The following PCCA variants were observed in gnomAD, a reference collection of about 807,000 sequenced individuals.
PCCA encodes propionyl-CoA carboxylase subunit alpha.
Under a neutral mutation model 101.3 loss-of-function variants are expected in PCCA, and 74 were observed. The ratio of observed to expected loss-of-function variants is 0.73; its 90% CI spans 0.61 to 0.89. The LOEUF (loss-of-function observed/expected upper bound fraction) is 0.89. PCCA is among the 40% of genes least tolerant of loss of function. The pLI, the probability that PCCA is intolerant of heterozygous loss-of-function variation, is 0.00. For missense variants in PCCA, 891 were observed against 907.0 expected, an observed-to-expected ratio of 0.98 and a Z score of 0.23; for synonymous variants, 294 against 313.6, an observed-to-expected ratio of 0.94 and a Z score of 0.66.
intron 21 of PCCA, among the ~76,000 whole-genome samples, chr13:100,499,274 A>C (rs548634103): frequency 3.9e-5 from 6 of 152,356 alleles, no homozygotes; most frequent in African/African-American, 1.4e-4. Flanking sequence ...TGGTGAAACT[A>C]GGAGATAGTT....
At chr13:100,150,593 G>T in intron 4 of PCCA, 1 of 1,198,802 alleles carries the variant, frequency 8.3e-7, no homozygotes, top group Non-Finnish European at 1.2e-6. Flanking sequence ...GGCTCTTTTG[G>T]CCTGCAGATG....
At chr13:100,179,701 C>T (rs1211366224) in intron 6 of PCCA, among the ~76,000 whole-genome samples, 1 of 103,356 alleles carries the variant, frequency 9.7e-6, no homozygotes, top group African/African-American at 3.9e-5. Context: ...AAGGGTCATC[C>T]TCTTCCCACA....
At chr13:100,471,871 C>T (rs936844148) in intron 21 of PCCA, among the ~76,000 whole-genome samples, 3 of 152,136 alleles carry the variant, frequency 2.0e-5, no homozygotes, top group Admixed American at 6.5e-5. Context: ...GGGGCCCACC[C>T]GGAGCTCTGT....
chr13:100,419,207 C>T (rs755917747), intron 19 of PCCA, among the ~76,000 whole-genome samples: 80 of 152,142 alleles, frequency 5.3e-4, no homozygotes, highest in Admixed American at 1.4e-3. Flanking sequence ...TGTGATGGCT[C>T]ACGCCTGTAA....
intron 20 of PCCA, among the ~76,000 whole-genome samples, chr13:100,440,156 TTATATATATATATATATATATATA>T (rs398024171): frequency 0.079 from 7,318 of 92,838 alleles, 422 homozygotes; most frequent in African/African-American, 0.13. Flanking sequence ...GAGTATTAAA[TTATATATATATATATATATATATA>T]TATATATATA....
At chr13:100,155,421 A>T (rs898739602) in intron 5 of PCCA, among the ~76,000 whole-genome samples, 2 of 152,258 alleles carry the variant, frequency 1.3e-5, no homozygotes, top group African/African-American at 2.4e-5. Flanking sequence ...AGAGCATTTT[A>T]AAAAATTCTG....
intron 6 of PCCA, among the ~76,000 whole-genome samples, chr13:100,207,882 G>T (rs1016520882): frequency 8.6e-5 from 13 of 151,936 alleles, no homozygotes; most frequent in Non-Finnish European, 1.6e-4. Flanking sequence ...GCTGGGCGTG[G>T]TGGCGCGCTC....
intron 20 of PCCA, among the ~76,000 whole-genome samples, chr13:100,440,211 AAAC>A (rs2080267200): frequency 9.4e-6 from 1 of 106,302 alleles, no homozygotes; most frequent in African/African-American, 3.6e-5. Context: ...TATATATATA[AAAC>A]GTGATAACTT....
chr13:100,388,591 T>C (rs1208921621), intron 19 of PCCA, among the ~76,000 whole-genome samples: 1 of 151,962 alleles, frequency 6.6e-6, no homozygotes, highest in Non-Finnish European at 1.5e-5. Flanking sequence ...AGATCAGGAG[T>C]TGGAGACCAA....
chr13:100,471,662 A>G lies in PCCA; in HGVS notation c.1899+22357A>G, dbSNP rs568829076. ...TTTTCTCTGTGGATCTTCTCTGTTA[A>G]TGCCACATCTGTCTAGAGTAAAAGT... is the stretch of plus-strand genomic sequence containing the variant. On this transcript the variant is annotated intron_variant, in intron 21 of 23. Coordinates refer to ENST00000376285, the MANE Select transcript of PCCA (RefSeq NM_000282.4). 5.3e-5 allele frequency among the ~76,000 whole-genome samples: 8 copies of G among 152,322 alleles called. No individual in the cohort carries two copies. In the East Asian group the frequency reaches 1.5e-3, roughly 29 times the overall value.
At chr13:100,125,966 C>G (rs80143462) in intron 4 of PCCA, among the ~76,000 whole-genome samples, 1,749 of 152,168 alleles carry the variant, frequency 0.011, 11 homozygotes, top group Non-Finnish European at 0.019. Context: ...GTGGACTAAT[C>G]AAGGCGCTGT....
At chr13:100,495,105 G>T (rs986935060) in intron 21 of PCCA, among the ~76,000 whole-genome samples, 2 of 151,998 alleles carry the variant, frequency 1.3e-5, no homozygotes, top group East Asian at 3.9e-4. Context: ...CAGCTGGGAG[G>T]GAGTGCTATG....
rs2076185738 is a variant in PCCA at position 100,380,866 on chromosome 13, T to C, written c.1746+12292T>C. Among the ~76,000 whole-genome samples the C allele has an allele frequency of 3.3e-5, 5 of 152,148 alleles. No individual in the cohort carries two copies. The South Asian group carries it at 1.0e-3, about 32-fold the overall frequency. On this transcript the variant is annotated intron_variant, in intron 19 of 23. Coordinates refer to ENST00000376285, the MANE Select transcript of PCCA (RefSeq NM_000282.4). ...TTCAGTAAAGCACTTGTGTTTAAAA[T>C]ACATAAAGAACACTTACAACTTAAC...
chr13:100,483,141 GC>G (rs910349787), intron 21 of PCCA, among the ~76,000 whole-genome samples: 13 of 151,898 alleles, frequency 8.6e-5, no homozygotes, highest in Non-Finnish European at 1.8e-4. Flanking sequence ...GGGAGGAAAA[GC>G]CACGTTTTAC....
chr13:100,275,059 G>T (rs531486785), intron 12 of PCCA, among the ~76,000 whole-genome samples: 2 of 151,166 alleles, frequency 1.3e-5, no homozygotes, highest in Non-Finnish European at 3.0e-5. Context: ...GAGGGGGTGG[G>T]GGGGGAGGGG....
intron 21 of PCCA, chr13:100,491,624 G>C (rs750023399): frequency 7.7e-7 from 1 of 1,299,874 alleles, no homozygotes; most frequent in Non-Finnish European, 1.0e-6. Flanking sequence ...GGCCAAAGCG[G>C]TGCACTCTTA....
chr13:100,405,078 C>T (rs1420385603), intron 19 of PCCA, among the ~76,000 whole-genome samples: 1 of 152,182 alleles, frequency 6.6e-6, no homozygotes, highest in Non-Finnish European at 1.5e-5. Flanking sequence ...CTGAGTCCTC[C>T]TCCAACAAGG....
At chr13:100,237,740 A>G (rs932724914) in intron 8 of PCCA, among the ~76,000 whole-genome samples, 26 of 152,186 alleles carry the variant, frequency 1.7e-4, no homozygotes, top group African/African-American at 6.3e-4. Flanking sequence ...TATTATTATT[A>G]CAGTATCTAC....
In PCCA at chr13:100,400,627, G is replaced by GTTTTTTTTTTTTTTTT. The variant is rs763331038; in HGVS notation, c.1747-25004_1747-25003insTTTTTTTTTTTTTTTT. ...TGATGATTGATCTTAGTTCTTTTTAGTTCTTTTTTTTTTTTTTTTTGAGAG... is the reference window on the plus strand; with the variant it reads ...TGATGATTGATCTTAGTTCTTTTTAGTTTTTTTTTTTTTTTTTTCTTTTTTTTTTTTTTTTTGAGAG... On this transcript the variant is annotated intron_variant, in intron 19 of 23. Transcript: ENST00000376285. Among the ~76,000 whole-genome samples, 22 of 80,234 alleles carry GTTTTTTTTTTTTTTTT rather than the reference G, an allele frequency of 2.7e-4. 1 individual carries two copies. Among genetic ancestry groups the GTTTTTTTTTTTTTTTT allele is most frequent in the African/African-American group, 7.1e-4 (11 of 15,410 alleles). The allele number at this position is 80,234 out of a possible 152,430, so 52.6% of individuals were successfully genotyped here. A position where few individuals can be genotyped will look rare whatever the true frequency, so the allele number is the denominator to read the frequency against.
Sources: allele counts gnomAD v4.1 joint callset (sites outside exome capture counted in the v4.1 genomes callset), GRCh38; gene constraint gnomAD v4.1.1; transcripts MANE v1.5; gene names NCBI Gene and HGNC (gene_info 2026-07-23, HGNC 2026-07-21).